CCDC71: variants seen among roughly 807,000 people sequenced by gnomAD.
CCDC71 encodes the protein coiled-coil domain-containing protein 71.
For missense variants in CCDC71, 594 were observed against 604.0 expected (o/e 0.98, Z 0.17); for synonymous variants, 257 against 242.2 (o/e 1.06, Z -0.57).
chr3:49,164,085 T>C lies in CCDC71; in HGVS notation c.124A>G (p.Ser42Gly). 1.9e-6 allele frequency: 3 copies of C among 1,614,078 alleles called. No homozygotes were observed. The highest frequency in any genetic ancestry group is 2.5e-6 in the Non-Finnish European group (3 of 1,180,002). The change falls in exon 2 of 2, where the codon AGT becomes GGT. Residue 42 changes from serine to glycine, a missense_variant. Transcript: ENST00000321895. Reference sequence around the variant, plus strand: ...GCCACAAGCTGGGCCTCTGTGGCACTGAGATCCTGGCTCATTGGGTTAAAG... The same window carrying C: ...GCCACAAGCTGGGCCTCTGTGGCACCGAGATCCTGGCTCATTGGGTTAAAG... ...LVFNPMSQDL[S>G]ATEAQLVAFL...
chr3:49,162,716 G>A lies in CCDC71; in HGVS notation c.*89C>T. 1 of 1,263,530 alleles carries A rather than the reference G, an allele frequency of 7.9e-7. No individual in the cohort carries two copies. The highest frequency in any genetic ancestry group is 1.1e-6 in the Non-Finnish European group (1 of 952,224). The allele number at this position is 1,263,530 out of a possible 1,614,324, so 78.3% of individuals were successfully genotyped here. On this transcript the variant is annotated 3_prime_UTR_variant, in exon 2 of 2. Coordinates refer to ENST00000321895, the MANE Select transcript of CCDC71 (RefSeq NM_022903.4). Reference sequence around the variant, plus strand: ...CTAGAGAGGCACCGGGAGTCCTCAAGATTGTGGAGTCCACGGACATAGCAC... The same window carrying A: ...CTAGAGAGGCACCGGGAGTCCTCAAAATTGTGGAGTCCACGGACATAGCAC...
At position 49,163,251 on chromosome 3, in the gene CCDC71, C is replaced by T; in HGVS notation, c.958G>A (p.Ala320Thr). ...TGTGCTGCCTTAGCTTTGGCCTTAG[C>T]CTTGACCTGTGCTGCCTTGGCCTTG... Reference protein sequence around the residue: ...RAKAKAAQVKAKAKAKAAQVK... With the variant: ...RAKAKAAQVKTKAKAKAAQVK... The change falls in exon 2 of 2, where the codon GCT becomes ACT. Residue 320 changes from alanine to threonine, a missense_variant. Ala to Thr is a moderately conservative substitution (Grantham distance 58). Transcript: ENST00000321895. The T allele has an allele frequency of 6.4e-7, 1 of 1,574,140 alleles. No individual in the cohort carries two copies. Among genetic ancestry groups the T allele is most frequent in the African/African-American group, 1.3e-5 (1 of 74,188 alleles).
At position 49,164,318 on chromosome 3, in the gene CCDC71, A is replaced by G. The variant is rs992843458; in HGVS notation, c.-52-58T>C. 2.9e-6 allele frequency: 3 copies of G among 1,034,106 alleles called. No homozygotes were observed. The African/African-American group carries it at 4.8e-5, about 16-fold the overall frequency. The allele number at this position is 1,034,106 out of a possible 1,614,324, so 64.1% of individuals were successfully genotyped here. ...TGGCACTAAGACAAGGGGCCAGAAC[A>G]CATAGACAAGTCAATCAGTGCCCCA... On this transcript the variant is annotated intron_variant, in intron 1 of 1. Transcript: ENST00000321895.
In CCDC71 at chr3:49,163,378, G is replaced by A. The variant is rs1433101189; in HGVS notation, c.831C>T (p.Gly277=). The stretch of plus-strand genomic sequence containing the variant: ...CTACCTTGGCCTGGGCTGTTTTGGT[G>A]CCCAGGGCAGAGCCCCCTTTCATTC... ...VRRMKGGSAL[G]TKTAQAKVAR... The change falls in exon 2 of 2, where the codon GGC becomes GGT. Residue 277 remains glycine, a synonymous_variant. Transcript: ENST00000321895. 2 of 1,613,892 alleles carry A rather than the reference G, an allele frequency of 1.2e-6. No homozygotes were observed. Among genetic ancestry groups the A allele is most frequent in the African/African-American group, 2.7e-5 (2 of 74,946 alleles).
rs1228169937 is a variant in CCDC71, at chr3:49,166,045, G to T, written c.-53+222C>A. Among the ~76,000 whole-genome samples, 1 of 152,022 alleles carries T rather than the reference G, an allele frequency of 6.6e-6. No individual in the cohort carries two copies. Among genetic ancestry groups the T allele is most frequent in the Non-Finnish European group, 1.5e-5 (1 of 67,974 alleles). On this transcript the variant is annotated intron_variant, in intron 1 of 1. Coordinates refer to ENST00000321895, the MANE Select transcript of CCDC71 (RefSeq NM_022903.4). The surrounding 1 kb of genome is among the most constrained non-coding windows in gnomAD (Gnocchi z 4.0). ...TTAGGGCCCAAGCCGTGAGGCGGGG[G>T]TCACTGAGGCAGCGAAATGTACAGG...
chr3:49,164,350 A>G lies in CCDC71; in HGVS notation c.-52-90T>C, dbSNP rs140352673. On this transcript the variant is annotated intron_variant, in intron 1 of 1. Coordinates refer to ENST00000321895, the MANE Select transcript of CCDC71 (RefSeq NM_022903.4). ...CAAGTCAATCAGTGCCCCAATCTCC[A>G]TGACACTGAGGAATCTGGCCAGAGT... 26 of 752,510 alleles carry G rather than the reference A, an allele frequency of 3.5e-5. No individual in the cohort carries two copies. The African/African-American group carries it at 4.0e-4, about 12-fold the overall frequency. 46.6% of individuals were successfully genotyped at this position (752,510 alleles called of 1,614,324 possible). A position where few individuals can be genotyped will look rare whatever the true frequency, so the allele number is the denominator to read the frequency against.
Position 49,163,549 on chromosome 3 carries a change from C to T in CCDC71, c.660G>A (p.Pro220=), listed in dbSNP as rs150445703. Residue 220 remains proline (P), a synonymous_variant, in exon 2 of 2, where the codon CCG becomes CCA. Transcript: ENST00000321895. ...LKLRKSSGKG[P]GNPRPKAPRK... ...TGGGAGCTTTGGGCCGAGGGTTCCC[C>T]GGACCCTTCCCTGAACTTTTCCGCA... is the stretch of plus-strand genomic sequence containing the variant. The T allele has an allele frequency of 7.4e-6, 12 of 1,614,104 alleles. No homozygotes were observed. Among genetic ancestry groups the T allele is most frequent in the Admixed American group, 6.7e-5 (4 of 60,008 alleles).
At position 49,163,316 on chromosome 3, in the gene CCDC71, T is replaced by C; in HGVS notation, c.893A>G (p.Lys298Arg). 19 of 1,613,964 alleles carry C rather than the reference T, an allele frequency of 1.2e-5. No homozygotes were observed. Among genetic ancestry groups the C allele is most frequent in the Non-Finnish European group, 1.6e-5 (19 of 1,180,026 alleles). The change falls in exon 2 of 2, where the codon AAG becomes AGG. Residue 298 changes from lysine to arginine, a missense_variant. Transcript: ENST00000321895. The stretch of plus-strand genomic sequence containing the variant: ...AGCCTTGGCCTGTGTTCGAGCCACC[T>C]TGGCTTGGGCACGAGCAGCTTTGGC... ...TLAKAARAQA[K>R]VARTQAKAAK...
Position 49,164,204 on chromosome 3 carries a change from C to T in CCDC71, c.5G>A (p.Ser2Asn), listed in dbSNP as rs367701154. The change falls in exon 2 of 2, where the codon AGT (serine) becomes AAT (asparagine). Residue 2 changes from serine to asparagine, a missense_variant. Physicochemically the swap from Ser to Asn is conservative, Grantham distance 46 (BLOSUM62 1). Coordinates refer to ENST00000321895, the MANE Select transcript of CCDC71 (RefSeq NM_022903.4). M[S>N]VVVQHVEEKA... Reference sequence around the variant, plus strand: ...TTCCTCCACATGCTGAACCACCACACTCATGGCATTAGGCACTGCAGATCT... The same window carrying T: ...TTCCTCCACATGCTGAACCACCACATTCATGGCATTAGGCACTGCAGATCT... 76 of 1,607,804 alleles carry T rather than the reference C, an allele frequency of 4.7e-5. No homozygotes were observed. Among genetic ancestry groups the T allele is most frequent in the Non-Finnish European group, 6.2e-5 (73 of 1,175,742 alleles).
chr3:49,165,350 T>G (rs1218129071), intron 1 of CCDC71, among the ~76,000 whole-genome samples: 1 of 152,200 alleles, frequency 6.6e-6, no homozygotes, highest in East Asian at 1.9e-4. Flanking sequence ...ACCTAACTAC[T>G]CCCAGACTTC....
At position 49,164,122 on chromosome 3, in the gene CCDC71, C is replaced by T. The variant is rs949280721; in HGVS notation, c.87G>A (p.Glu29=). The T allele has an allele frequency of 6.2e-7, 1 of 1,613,914 alleles. No homozygotes were observed. Among genetic ancestry groups the T allele is most frequent in the Non-Finnish European group, 8.5e-7 (1 of 1,180,040 alleles). Residue 29 remains glutamate, a synonymous_variant, in exon 2 of 2, where the codon GAG becomes GAA. Coordinates refer to ENST00000321895, the MANE Select transcript of CCDC71 (RefSeq NM_022903.4). ...TCATTGGGTTAAAGACAAGCAGTGC[C>T]TCTTCCAGGGCCTTCTTCCCTGCCG... ...ISTAGKKALE[E]ALLVFNPMSQ...
In CCDC71 at chr3:49,166,217, C is replaced by T. The variant is rs2045723712; in HGVS notation, c.-53+50G>A. 1 of 151,960 alleles carries T rather than the reference C, an allele frequency of 6.6e-6. No homozygotes were observed. Among genetic ancestry groups the T allele is most frequent in the Non-Finnish European group, 1.5e-5 (1 of 67,954 alleles). The allele number at this position is 151,960 out of a possible 1,614,324, so 9.4% of individuals were successfully genotyped here. A position where few individuals can be genotyped will look rare whatever the true frequency, so the allele number is the denominator to read the frequency against. ...GCCGCTTGCCCGTCCGCCCTGCCGC[C>T]TCGCGGGCCGCCCCTCCGCGGCGCG... On this transcript the variant is annotated intron_variant, in intron 1 of 1. Coordinates refer to ENST00000321895, the MANE Select transcript of CCDC71 (RefSeq NM_022903.4). The surrounding 1 kb of genome is among the most constrained non-coding windows in gnomAD (Gnocchi z 4.0).
Position 49,163,412 on chromosome 3 carries a change from C to A in CCDC71, c.797G>T (p.Ser266Ile), listed in dbSNP as rs1350743414. The change falls in exon 2 of 2, where the codon AGT becomes ATT. Residue 266 changes from serine to isoleucine, a missense_variant. By Grantham distance (142) the Ser-to-Ile change is moderately radical. Transcript: ENST00000321895. ...SKTNRATGSPSVRRMKGGSAL... is the reference protein window; with the variant it reads ...SKTNRATGSPIVRRMKGGSAL... ...AGAGCCCCCTTTCATTCGCCGGACACTGGGGGACCCAGTGGCTCTGTTGGT... is the reference window on the plus strand; with the variant it reads ...AGAGCCCCCTTTCATTCGCCGGACAATGGGGGACCCAGTGGCTCTGTTGGT... The A allele has an allele frequency of 1.2e-6, 2 of 1,614,210 alleles. No individual in the cohort carries two copies. Among genetic ancestry groups the A allele is most frequent in the Non-Finnish European group, 1.7e-6 (2 of 1,180,050 alleles).
chr3:49,164,386 C>T, intron 1 of CCDC71, 126 bp from the exon 2 acceptor site: 1 of 637,942 alleles, frequency 1.6e-6, no homozygotes, highest in Admixed American at 2.9e-5. Context: ...GAGACACTTC[C>T]TGGTGTAAAA....
chr3:49,163,448 T>G lies in CCDC71; in HGVS notation c.761A>C (p.His254Pro). ...AGTGGCTCTGTTGGTTTTGCTCTGG[T>G]GCCCAGAGCCTCGTCGGGGTCCAGC... ...PGAGPRRGSG[H>P]QSKTNRATGS... The change falls in exon 2 of 2, where the codon CAC (histidine) becomes CCC (proline). Residue 254 changes from histidine (H) to proline (P), a missense_variant. Transcript: ENST00000321895. 1 of 1,614,244 alleles carries G rather than the reference T, an allele frequency of 6.2e-7. No homozygotes were observed. Among genetic ancestry groups the G allele is most frequent in the Non-Finnish European group, 8.5e-7 (1 of 1,180,048 alleles).
In CCDC71 at chr3:49,162,793, C is replaced by T. The variant is rs760952591; in HGVS notation, c.*12G>A. 13 of 1,608,588 alleles carry T rather than the reference C, an allele frequency of 8.1e-6. No homozygotes were observed. Among genetic ancestry groups the T allele is most frequent in the South Asian group, 1.1e-5 (1 of 90,530 alleles). On this transcript the variant is annotated 3_prime_UTR_variant, in exon 2 of 2. Transcript: ENST00000321895. ...TGGGCTTAGTTTCCCCAAACATTGCCGTGTGAAGGAATCAGACTGCTGAAT... is the reference window on the plus strand; with the variant it reads ...TGGGCTTAGTTTCCCCAAACATTGCTGTGTGAAGGAATCAGACTGCTGAAT...
Position 49,163,328 on chromosome 3 carries a change from C to A in CCDC71, c.881G>T (p.Arg294Leu), listed in dbSNP as rs748466542. 6.2e-7 allele frequency: 1 copy of A among 1,613,868 alleles called. No homozygotes were observed. The highest frequency in any genetic ancestry group is 1.7e-5 in the Admixed American group (1 of 60,030). The change falls in exon 2 of 2, where the codon CGT (arginine) becomes CTT (leucine). Residue 294 changes from arginine (R) to leucine (L), a missense_variant. By Grantham distance (102) the Arg-to-Leu change is moderately radical (BLOSUM62 -2). Coordinates refer to ENST00000321895, the MANE Select transcript of CCDC71 (RefSeq NM_022903.4). ...KVARTLAKAA[R>L]AQAKVARTQA... The stretch of plus-strand genomic sequence containing the variant: ...TGTTCGAGCCACCTTGGCTTGGGCA[C>A]GAGCAGCTTTGGCCAGTGTTCGAGC...
At position 49,166,092 on chromosome 3, in the gene CCDC71, G is replaced by A. The variant is rs1055170653; in HGVS notation, c.-53+175C>T. ...CAGGGTGAACGGTGCTAGCCCTACC[G>A]GGACCGCACAGCCCCAGGGTGGGGT... is the stretch of plus-strand genomic sequence containing the variant. On this transcript the variant is annotated intron_variant, in intron 1 of 1. Transcript: ENST00000321895. The surrounding 1 kb of genome is among the most constrained non-coding windows in gnomAD (Gnocchi z 4.0). Among the ~76,000 whole-genome samples the A allele has an allele frequency of 6.6e-6, 1 of 151,736 alleles. No homozygotes were observed. Among genetic ancestry groups the A allele is most frequent in the East Asian group, 1.9e-4 (1 of 5,142 alleles).
At chr3:49,164,372 G>C (rs2045710922) in intron 1 of CCDC71, 112 bp from the exon 2 acceptor site, 4 of 665,012 alleles carry the variant, frequency 6.0e-6, no homozygotes, top group Non-Finnish European at 1.0e-5. Flanking sequence ...AATCTGGCCA[G>C]AGTGAGACAC....
Sources: allele counts gnomAD v4.1 joint callset (sites outside exome capture counted in the v4.1 genomes callset), GRCh38; gene constraint gnomAD v4.1.1; non-coding constraint Gnocchi (gnomAD v3.1); transcripts MANE v1.5; gene names NCBI Gene and HGNC (gene_info 2026-07-23, HGNC 2026-07-21).